Variants in ERC2 observed in about 807,000 individuals in gnomAD.
The protein encoded by ERC2 is ERC protein 2.
ERC2 carries 42 observed loss-of-function variants against 114.8 expected under a neutral mutation model. The ratio of observed to expected loss-of-function variants is 0.37; its 90% CI spans 0.29 to 0.47. The LOEUF is 0.47. Ranked by LOEUF, ERC2 falls within the 20% of genes least tolerant of loss-of-function variation. The probability of loss-of-function intolerance (pLI) is 0.99; values close to 1 mark genes in which losing one functional copy is unlikely to be tolerated. For missense variants in ERC2, 939 were observed against 1,150.7 expected (o/e 0.82, Z 2.66); for synonymous variants, 454 against 425.5 (o/e 1.07, Z -0.82).
At chr3:56,209,756 T>C (rs2048947938) in intron 3 of ERC2, among the ~76,000 whole-genome samples, 1 of 152,092 alleles carries the variant, frequency 6.6e-6, no homozygotes, top group South Asian at 2.1e-4. Flanking sequence ...GCAAATAGCA[T>C]CCTCCTCATT....
At chr3:55,659,401 C>T (rs1377238574) in intron 17 of ERC2, 3 of 152,266 alleles carry the variant, frequency 2.0e-5, no homozygotes, top group Non-Finnish European at 4.4e-5. Context: ...TTCTCTCCCT[C>T]CACCAGACGA....
intron 14 of ERC2, among the ~76,000 whole-genome samples, chr3:55,818,940 A>C (rs1193934740): frequency 6.6e-6 from 1 of 152,230 alleles, no homozygotes; most frequent in Admixed American, 6.5e-5. Context: ...CTACTTGGGC[A>C]CATAGGAAGG....
At chr3:55,885,052 T>C (rs920345071) in intron 14 of ERC2, among the ~76,000 whole-genome samples, 15 of 152,158 alleles carry the variant, frequency 9.9e-5, no homozygotes, top group Non-Finnish European at 1.9e-4. Context: ...TTCTTTCTCT[T>C]GACTCACGGC....
intron 7 of ERC2, among the ~76,000 whole-genome samples, chr3:56,033,856 C>A (rs1006700520): frequency 1.3e-5 from 2 of 152,072 alleles, no homozygotes; most frequent in Non-Finnish European, 2.9e-5. Flanking sequence ...AAGGCAGTGG[C>A]ATGATCATGG....
chr3:56,209,869 C>G (rs1366355864), intron 3 of ERC2, among the ~76,000 whole-genome samples: 1 of 152,124 alleles, frequency 6.6e-6, no homozygotes, highest in Non-Finnish European at 1.5e-5. Flanking sequence ...AGCATTCAGT[C>G]CCTTCAGGCA....
At chr3:55,946,408 G>A (rs940418852) in intron 13 of ERC2, among the ~76,000 whole-genome samples, 1 of 152,048 alleles carries the variant, frequency 6.6e-6, no homozygotes, top group African/African-American at 2.4e-5. Context: ...TTACTGGTGT[G>A]TGTTCTATAT....
intron 10 of ERC2, among the ~76,000 whole-genome samples, 187 bp downstream of exon 10, chr3:56,006,994 A>T (rs1340165715): frequency 1.3e-5 from 2 of 152,018 alleles, no homozygotes; most frequent in African/African-American, 4.8e-5. Flanking sequence ...ATCTGAGATA[A>T]TTTTTCAGGT....
At chr3:55,862,328 T>A (rs1246215400) in intron 14 of ERC2, among the ~76,000 whole-genome samples, 2 of 152,100 alleles carry the variant, frequency 1.3e-5, no homozygotes, top group African/African-American at 2.4e-5. Context: ...GCCAACGACA[T>A]AGCAAAGGTC....
At chr3:55,992,540 TTAG>T (rs2071163546) in intron 10 of ERC2, among the ~76,000 whole-genome samples, 1 of 152,204 alleles carries the variant, frequency 6.6e-6, no homozygotes. Flanking sequence ...AAAAGTAGGG[TTAG>T]ATACTGTGAT....
intron 14 of ERC2, among the ~76,000 whole-genome samples, chr3:55,741,666 C>A (rs1324152595): frequency 6.6e-6 from 1 of 152,100 alleles, no homozygotes; most frequent in East Asian, 1.9e-4. Flanking sequence ...CAAAGGCTTG[C>A]AAAATTATCT....
chr3:56,450,009 C>T (rs2062758651), intron 1 of ERC2, among the ~76,000 whole-genome samples: 1 of 152,204 alleles, frequency 6.6e-6, no homozygotes, highest in Non-Finnish European at 1.5e-5. Context: ...TTGCCTTCCC[C>T]CATGATCTGC....
intron 4 of ERC2, among the ~76,000 whole-genome samples, chr3:56,158,467 C>G (rs1049152121): frequency 3.3e-5 from 5 of 152,120 alleles, no homozygotes; most frequent in Admixed American, 6.6e-5. Flanking sequence ...GGCACAACCT[C>G]TTTTTTACAG....
chr3:56,387,833 T>C (rs971082317), intron 2 of ERC2, among the ~76,000 whole-genome samples: 1 of 152,072 alleles, frequency 6.6e-6, no homozygotes, highest in Non-Finnish European at 1.5e-5. Flanking sequence ...ACAGAGCAAG[T>C]CCCCCTTTAC....
At chr3:55,640,478 C>T (rs745506257) in intron 17 of ERC2, among the ~76,000 whole-genome samples, 1 of 152,210 alleles carries the variant, frequency 6.6e-6, no homozygotes, top group Non-Finnish European at 1.5e-5. Flanking sequence ...CAGGCAAATA[C>T]ATCTATAAGG....
At chr3:55,853,878 C>G (rs1346901704) in intron 14 of ERC2, among the ~76,000 whole-genome samples, 1 of 152,110 alleles carries the variant, frequency 6.6e-6, no homozygotes, top group Non-Finnish European at 1.5e-5. Context: ...CTTAACACTA[C>G]TAAGCTGGAC....
chr3:55,656,147 A>T (rs2060854740), intron 17 of ERC2, among the ~76,000 whole-genome samples: 1 of 148,046 alleles, frequency 6.8e-6, no homozygotes, highest in Non-Finnish European at 1.5e-5. Flanking sequence ...GATTTAAAGA[A>T]TTTTTTTTAG....
intron 9 of ERC2, 50 bp from the exon 10 acceptor site, chr3:56,007,371 A>C: frequency 6.6e-7 from 1 of 1,510,642 alleles, no homozygotes; most frequent in Non-Finnish European, 9.0e-7. Flanking sequence ...TTCTACTAGC[A>C]ATGCCTTCAA....
At chr3:56,272,461 T>C (rs2053717273) in intron 3 of ERC2, among the ~76,000 whole-genome samples, 1 of 152,200 alleles carries the variant, frequency 6.6e-6, no homozygotes, top group African/African-American at 2.4e-5. Context: ...AGACTCCATC[T>C]AGAAAGAAAT....
intron 2 of ERC2, among the ~76,000 whole-genome samples, chr3:56,371,725 C>A (rs1407985916): frequency 6.6e-6 from 1 of 152,204 alleles, no homozygotes; most frequent in Non-Finnish European, 1.5e-5. Context: ...ATTAATATCC[C>A]CTCCCTTGGC....
Sources: allele counts gnomAD v4.1 joint callset (sites outside exome capture counted in the v4.1 genomes callset), GRCh38; gene constraint gnomAD v4.1.1; transcripts MANE v1.5; gene names NCBI Gene and HGNC (gene_info 2026-07-23, HGNC 2026-07-21).